ANKRD11: variants seen among roughly 807,000 people sequenced by gnomAD.
The protein encoded by ANKRD11 is ankyrin repeat domain 11.
Under a neutral mutation model 195.7 loss-of-function variants are expected in ANKRD11, and 17 were observed. That is an observed-to-expected ratio of 0.09 (90% confidence interval 0.06 to 0.13). The LOEUF (loss-of-function observed/expected upper bound fraction) is 0.13, where lower values mean the gene tolerates loss of function less well. Among genes scored for constraint, ANKRD11 ranks in the 10% least tolerant of loss-of-function variants. The pLI is 1.00. For synonymous variants in ANKRD11, 1,953 were observed against 1,528.1 expected (o/e 1.28, Z -6.49); for missense variants, 3,735 against 3,566.1 (o/e 1.05, Z -1.21).
chr16:89,325,988 C>G (rs964942389), intron 2 of ANKRD11, among the ~76,000 whole-genome samples: 1 of 152,176 alleles, frequency 6.6e-6, no homozygotes, highest in Non-Finnish European at 1.5e-5. Context: ...CTGCAGGGCA[C>G]CCACTGCAGA....
At chr16:89,461,355 G>T (rs1052287017) in intron 1 of ANKRD11, among the ~76,000 whole-genome samples, 1 of 152,078 alleles carries the variant, frequency 6.6e-6, no homozygotes, top group African/African-American at 2.4e-5. Context: ...AGGGATGGTG[G>T]TGATGGCTTT....
At chr16:89,308,123 T>C (rs369690833) in intron 3 of ANKRD11, among the ~76,000 whole-genome samples, 157 of 152,270 alleles carry the variant, frequency 1.0e-3, no homozygotes, top group Middle Eastern at 6.8e-3. Context: ...TCTCAGAACC[T>C]GATGAGGGCA....
chr16:89,397,381 CAAA>C (rs1265547610), intron 2 of ANKRD11, among the ~76,000 whole-genome samples: 1 of 152,240 alleles, frequency 6.6e-6, no homozygotes, highest in Non-Finnish European at 1.5e-5. Context: ...TGAGTTTTCT[CAAA>C]GAAGCTGAAG....
At chr16:89,461,754 TAAG>T (rs925906335) in intron 1 of ANKRD11, among the ~76,000 whole-genome samples, 22 of 152,198 alleles carry the variant, frequency 1.4e-4, no homozygotes, top group African/African-American at 5.3e-4. Flanking sequence ...TCTAAATAAA[TAAG>T]AAGAAATGTA....
intron 4 of ANKRD11, among the ~76,000 whole-genome samples, chr16:89,295,761 CCT>C (rs2035377907): frequency 7.9e-6 from 1 of 127,156 alleles, no homozygotes; most frequent in Non-Finnish European, 1.7e-5. Flanking sequence ...CTGGGGGTGC[CCT>C]GTGCTGGTGG....
At position 89,281,613 on chromosome 16, in the gene ANKRD11, C is replaced by T. The variant is rs142939070; in HGVS notation, c.4929G>A (p.Pro1643=). 7.2e-5 allele frequency: 117 copies of T among 1,614,046 alleles called. 1 individual carries two copies. Among genetic ancestry groups the T allele is most frequent in the Admixed American group, 4.0e-4 (24 of 60,006 alleles). Residue 1643 remains proline, a synonymous_variant, in exon 9 of 13, where the codon CCG becomes CCA. Coordinates refer to ENST00000301030, the MANE Select transcript of ANKRD11 (RefSeq NM_013275.6). The surrounding 1 kb of genome is among the most constrained non-coding windows in gnomAD (Gnocchi z 5.5). ...KGLDIPAKKP[P]GLDPPFKDKK... ...TGTCTTTAAATGGAGGGTCCAGCCC[C>T]GGCGGTTTCTTAGCAGGAATGTCCA...
chr16:89,384,879 C>CTTTTTTTTTTTTCTTTTTTT (rs2040834576), intron 2 of ANKRD11, among the ~76,000 whole-genome samples: 1 of 49,910 alleles, frequency 2.0e-5, no homozygotes, highest in Non-Finnish European at 3.5e-5. Flanking sequence ...AAATAGTTTT[C>CTTTTTTTTTTTTCTTTTTTT]TTTTTTTTTT....
At chr16:89,352,029 G>C (rs1305868597) in intron 2 of ANKRD11, among the ~76,000 whole-genome samples, 1 of 152,080 alleles carries the variant, frequency 6.6e-6, no homozygotes, top group African/African-American at 2.4e-5. Context: ...TCACGCCTCC[G>C]CTGAAATGAC....
intron 3 of ANKRD11, among the ~76,000 whole-genome samples, chr16:89,309,024 C>T (rs1193981086): frequency 6.6e-6 from 1 of 152,200 alleles, no homozygotes; most frequent in Non-Finnish European, 1.5e-5. Context: ...CCTTTCTTCA[C>T]ACATGGAAGC....
chr16:89,316,585 G>A (rs951904414), intron 3 of ANKRD11, among the ~76,000 whole-genome samples: 1 of 152,244 alleles, frequency 6.6e-6, no homozygotes, highest in African/African-American at 2.4e-5. Context: ...GCCCAGCATT[G>A]CTTGCAGTCA....
At chr16:89,271,924 C>G (rs1237965978) in intron 11 of ANKRD11, 2 of 152,016 alleles carry the variant, frequency 1.3e-5, no homozygotes, top group Non-Finnish European at 2.9e-5. Flanking sequence ...AGCTTCTGTC[C>G]AGCAAAGGAC....
At chr16:89,428,263 C>A (rs559600770) in intron 1 of ANKRD11, among the ~76,000 whole-genome samples, 52 of 150,248 alleles carry the variant, frequency 3.5e-4, no homozygotes, top group East Asian at 2.0e-3. Context: ...CGGTGGTTCA[C>A]GCCTATAATC....
intron 11 of ANKRD11, 64 bp downstream of exon 11, chr16:89,274,750 G>A: frequency 6.3e-7 from 1 of 1,598,180 alleles, no homozygotes; most frequent in Non-Finnish European, 8.5e-7. Context: ...TCTATCAAGG[G>A]GAGGGGAGGC....
At position 89,282,438 on chromosome 16, in the gene ANKRD11, T is replaced by C; in HGVS notation, c.4104A>G (p.Lys1368=). The C allele has an allele frequency of 1.2e-6, 2 of 1,614,134 alleles. No homozygotes were observed. The highest frequency in any genetic ancestry group is 1.3e-5 in the African/African-American group (1 of 75,036). The change falls in exon 9 of 13, where the codon AAA becomes AAG. Residue 1368 remains lysine (K), a synonymous_variant. Transcript: ENST00000301030. ...CCTTCTCTTTCTTCTCGGCCTTCTC[T>C]TTCTTGGCTCGCTCTCGGTCGTGGC... The part of the protein sequence containing the change: ...KKSHDRERAK[K]EKAEKKEKGE...
intron 1 of ANKRD11, among the ~76,000 whole-genome samples, chr16:89,426,055 A>G (rs1447864883): frequency 6.6e-6 from 1 of 152,198 alleles, no homozygotes; most frequent in Non-Finnish European, 1.5e-5. Context: ...CTCCTCTGCT[A>G]AAGAACAAAA....
intron 1 of ANKRD11, among the ~76,000 whole-genome samples, chr16:89,476,402 G>T (rs140165227): frequency 3.6e-4 from 55 of 152,268 alleles, no homozygotes; most frequent in African/African-American, 1.2e-3. Context: ...TGGGTTATTC[G>T]TAGAATAGCA....
At chr16:89,295,203 C>T (rs527315418) in intron 4 of ANKRD11, among the ~76,000 whole-genome samples, 3 of 152,204 alleles carry the variant, frequency 2.0e-5, no homozygotes, top group South Asian at 2.1e-4. Context: ...GCCCTGCAGT[C>T]GGAACACGGC....
rs1357844121 is a variant in ANKRD11 at position 89,386,850 on chromosome 16, C to G, written c.-60+31434G>C. Among the ~76,000 whole-genome samples, 12 of 152,330 alleles carry G rather than the reference C, an allele frequency of 7.9e-5. No homozygotes were observed. In the East Asian group the frequency reaches 1.9e-3, roughly 24 times the overall value. On this transcript the variant is annotated intron_variant, in intron 2 of 12. Transcript: ENST00000301030. ...CCTGAAGACTCAGTCCTATCACAGC[C>G]AGAGCTGTGTGCGAACAGACAAGCC...
intron 2 of ANKRD11, among the ~76,000 whole-genome samples, chr16:89,351,850 A>C (rs1329431978): frequency 6.6e-6 from 1 of 152,194 alleles, no homozygotes; most frequent in African/African-American, 2.4e-5. Flanking sequence ...ATACACTAAC[A>C]ACCTTTGAAC....
Sources: allele counts gnomAD v4.1 joint callset (sites outside exome capture counted in the v4.1 genomes callset), GRCh38; gene constraint gnomAD v4.1.1; non-coding constraint Gnocchi (gnomAD v3.1); transcripts MANE v1.5; gene names NCBI Gene and HGNC (gene_info 2026-07-23, HGNC 2026-07-21).